The following CSMD2 variants were observed in gnomAD, a reference collection of about 807,000 sequenced individuals.
The protein encoded by CSMD2 is CUB and Sushi multiple domains 2.
A neutral mutation model predicts 398.5 loss-of-function variants in CSMD2; 130 were observed. The ratio of observed to expected loss-of-function variants is 0.33; its 90% confidence interval spans 0.28 to 0.38. The LOEUF is 0.38. CSMD2 is among the 10% of genes least tolerant of loss of function. CSMD2 has a pLI of 1.00. For synonymous variants in CSMD2, 1,828 were observed against 1,908.5 expected (o/e 0.96, Z 1.10); for missense variants, 3,829 against 4,764.9 (o/e 0.80, Z 5.78).
chr1:33,637,708 G>A (rs142490474), intron 29 of CSMD2, among the ~76,000 whole-genome samples: 17 of 152,326 alleles, frequency 1.1e-4, no homozygotes, highest in African/African-American at 3.8e-4. Context: ...GTTGACTGAT[G>A]AGCATTTTGG....
chr1:33,624,243 G>A lies in CSMD2; in HGVS notation c.5625+276C>T, dbSNP rs1254912108. Among the ~76,000 whole-genome samples the A allele has an allele frequency of 1.3e-5, 2 of 152,098 alleles. No individual in the cohort carries two copies. Among genetic ancestry groups the A allele is most frequent in the East Asian group, 1.9e-4 (1 of 5,188 alleles). On this transcript the variant is annotated intron_variant, in intron 35 of 70. Transcript: ENST00000373381. The surrounding 1 kb of genome is among the most constrained non-coding windows in gnomAD (Gnocchi z 4.7). ...CCCCTCCTGGCCATGGCCAATCAAT[G>A]CCCACCTCTCCTCCTTCCTGGGTTA...
chr1:34,105,021 C>G (rs907359165), intron 1 of CSMD2, among the ~76,000 whole-genome samples: 6 of 152,232 alleles, frequency 3.9e-5, no homozygotes, highest in Admixed American at 6.5e-5. Context: ...GGAGCCTCCT[C>G]TAGTCTGCAG....
At chr1:33,734,654 A>G (rs1646827196) in intron 15 of CSMD2, among the ~76,000 whole-genome samples, 1 of 151,906 alleles carries the variant, frequency 6.6e-6, no homozygotes, top group African/African-American at 2.4e-5. Flanking sequence ...GCATGGTTGC[A>G]TACACCTGTA....
At chr1:33,900,634 C>T (rs1642686967) in intron 5 of CSMD2, among the ~76,000 whole-genome samples, 1 of 152,008 alleles carries the variant, frequency 6.6e-6, no homozygotes, top group African/African-American at 2.4e-5. Flanking sequence ...AATAAATTAG[C>T]CAGGTGTGGT....
At chr1:33,591,073 C>T (rs374838811) in intron 44 of CSMD2, among the ~76,000 whole-genome samples, 2 of 144,560 alleles carry the variant, frequency 1.4e-5, no homozygotes, top group East Asian at 2.2e-4. Context: ...ATGGCAACCT[C>T]CACCTCCTGG....
upstream of CSMD2, chr1:34,165,307 G>T: frequency 8.3e-7 from 1 of 1,201,264 alleles, no homozygotes; most frequent in South Asian, 4.0e-5. Flanking sequence ...GCTTCGCGGG[G>T]TTCGCGCCGG....
intron 1 of CSMD2, among the ~76,000 whole-genome samples, chr1:34,150,353 G>A (rs1640193035): frequency 6.6e-6 from 1 of 152,100 alleles, no homozygotes; most frequent in Non-Finnish European, 1.5e-5. Flanking sequence ...TCAGAGTGCT[G>A]GGATTACAGA....
intron 26 of CSMD2, among the ~76,000 whole-genome samples, chr1:33,659,420 TG>T (rs1184802453): frequency 6.6e-6 from 1 of 152,252 alleles, no homozygotes; most frequent in Non-Finnish European, 1.5e-5. Context: ...CCTCATAGCC[TG>T]TGCTCAGGGC....
intron 3 of CSMD2, among the ~76,000 whole-genome samples, chr1:33,954,221 G>A (rs533745): frequency 0.4 from 61,313 of 151,886 alleles, 12,976 homozygotes; most frequent in African/African-American, 0.52. Context: ...AACGAAGACC[G>A]CAGAAATGAA....
chr1:33,837,904 T>C (rs935445114), intron 6 of CSMD2, among the ~76,000 whole-genome samples: 1 of 152,222 alleles, frequency 6.6e-6, no homozygotes, highest in African/African-American at 2.4e-5. Context: ...ATTTTCCCGC[T>C]GTTGTAAAGG....
At chr1:33,755,160 T>G (rs1418352947) in intron 13 of CSMD2, among the ~76,000 whole-genome samples, 1 of 152,086 alleles carries the variant, frequency 6.6e-6, no homozygotes, top group African/African-American at 2.4e-5. Flanking sequence ...CTTCAGTGTA[T>G]GAATCTAGGT....
At chr1:33,760,093 T>C (rs1649622071) in intron 13 of CSMD2, among the ~76,000 whole-genome samples, 1 of 152,218 alleles carries the variant, frequency 6.6e-6, no homozygotes, top group East Asian at 1.9e-4. Context: ...GTTCTTGGTA[T>C]AAATTACATG....
intron 25 of CSMD2, among the ~76,000 whole-genome samples, chr1:33,688,073 T>G (rs912985442): frequency 1.3e-5 from 2 of 152,168 alleles, no homozygotes; most frequent in African/African-American, 4.8e-5. Flanking sequence ...GTATCAAAAT[T>G]TACCTCCTAA....
intron 9 of CSMD2, among the ~76,000 whole-genome samples, chr1:33,812,149 T>G (rs1048248786): frequency 4.6e-5 from 7 of 152,142 alleles, no homozygotes; most frequent in African/African-American, 1.7e-4. Context: ...ATTTATTGAG[T>G]GCCTACTATG....
At chr1:33,961,890 C>T (rs896400598) in intron 3 of CSMD2, among the ~76,000 whole-genome samples, 5 of 152,142 alleles carry the variant, frequency 3.3e-5, no homozygotes, top group Non-Finnish European at 5.9e-5. Context: ...TCAAATCAAC[C>T]TCTTTTCCTT....
intron 13 of CSMD2, among the ~76,000 whole-genome samples, chr1:33,748,255 G>C (rs555418417): frequency 4.6e-5 from 7 of 152,304 alleles, no homozygotes; most frequent in African/African-American, 1.7e-4. Context: ...TTCTGTAAGA[G>C]AATAGGAAGA....
intron 9 of CSMD2, among the ~76,000 whole-genome samples, chr1:33,815,670 C>T (rs1657379182): frequency 6.6e-6 from 1 of 152,190 alleles, no homozygotes. Flanking sequence ...CCACTCTAAG[C>T]TTCAGCTAAA....
At chr1:34,040,971 C>T (rs1194426175) in intron 2 of CSMD2, among the ~76,000 whole-genome samples, 2 of 151,934 alleles carry the variant, frequency 1.3e-5, no homozygotes, top group Non-Finnish European at 2.9e-5. Flanking sequence ...CAAAAACTTT[C>T]AAGAATAGTT....
At chr1:33,895,183 T>C (rs1296357418) in intron 5 of CSMD2, among the ~76,000 whole-genome samples, 1 of 152,208 alleles carries the variant, frequency 6.6e-6, no homozygotes. Context: ...AAATTATTAT[T>C]CCTGATAGCA....
Sources: allele counts gnomAD v4.1 joint callset (sites outside exome capture counted in the v4.1 genomes callset), GRCh38; gene constraint gnomAD v4.1.1; non-coding constraint Gnocchi (gnomAD v3.1); transcripts MANE v1.5; gene names NCBI Gene and HGNC (gene_info 2026-07-23, HGNC 2026-07-21).